Variants in CALCOCO2 observed in about 807,000 individuals in gnomAD.
CALCOCO2 encodes calcium binding and coiled-coil domain 2.
A neutral mutation model predicts 62.5 loss-of-function variants in CALCOCO2; 42 were observed. The observed-to-expected ratio is 0.67, with a 90% confidence interval of 0.53 to 0.87. The LOEUF (loss-of-function observed/expected upper bound fraction) is 0.87. Ranked by LOEUF, CALCOCO2 falls within the 40% of genes least tolerant of loss-of-function variation. The pLI is 0.00. For synonymous variants in CALCOCO2, 167 were observed against 173.0 expected (o/e 0.97, Z 0.27); for missense variants, 456 against 515.0 (o/e 0.89, Z 1.11).
intron 4 of CALCOCO2, 27 bp from the exon 5 acceptor site, chr17:48,849,225 T>A: frequency 6.2e-7 from 1 of 1,611,710 alleles, no homozygotes; most frequent in Non-Finnish European, 8.5e-7. Context: ...GGACTTGGAA[T>A]ATAGTTTATG....
At chr17:48,856,302 GA>G in intron 10 of CALCOCO2, 115 bp downstream of exon 10, 1 of 596,004 alleles carries the variant, frequency 1.7e-6, no homozygotes, top group East Asian at 2.8e-5. Flanking sequence ...GACAGTGGGT[GA>G]AACAGTTGTT....
chr17:48,860,809 A>G (rs1035877781), intron 11 of CALCOCO2, among the ~76,000 whole-genome samples: 34 of 152,216 alleles, frequency 2.2e-4, no homozygotes, highest in African/African-American at 8.2e-4. Context: ...TATGCCGCCC[A>G]GGAACTAGCA....
At chr17:48,851,023 T>G (rs762350934) in intron 5 of CALCOCO2, 66 bp from the exon 6 acceptor site, 8 of 846,028 alleles carry the variant, frequency 9.5e-6, no homozygotes, top group African/African-American at 1.7e-5. Flanking sequence ...ATTTGTTGCC[T>G]GCCTAAGATA....
chr17:48,861,264 C>G (rs562756269), intron 11 of CALCOCO2, among the ~76,000 whole-genome samples: 20 of 152,084 alleles, frequency 1.3e-4, no homozygotes, highest in African/African-American at 4.8e-4. Flanking sequence ...ACCTCCGTCT[C>G]CTGGGCTCAA....
intron 2 of CALCOCO2, chr17:48,846,128 T>C: frequency 9.7e-7 from 1 of 1,032,592 alleles, no homozygotes; most frequent in Non-Finnish European, 1.4e-6. Context: ...TTATTTTTTA[T>C]TTATTTTTTA....
intron 2 of CALCOCO2, chr17:48,845,969 A>G: frequency 1.5e-6 from 1 of 676,794 alleles, no homozygotes; most frequent in Non-Finnish European, 2.5e-6. Context: ...TAGAGAATGA[A>G]GAGTTGGCTG....
chr17:48,853,052 T>C lies in CALCOCO2; in HGVS notation c.912+40T>C, dbSNP rs1322957212. ...GGATGGTTATGTGGGAGGGAGCCTA[T>C]AGGGATGTAGAAGAAAAGGATATGG... On this transcript the variant is annotated intron_variant, in intron 9 of 12. Coordinates refer to ENST00000258947, the MANE Select transcript of CALCOCO2 (RefSeq NM_005831.5). The C allele has an allele frequency of 4.4e-6, 6 of 1,363,192 alleles. No homozygotes were observed. The African/African-American group carries it at 7.2e-5, about 16-fold the overall frequency. The allele number at this position is 1,363,192 out of a possible 1,614,324, so 84.4% of individuals were successfully genotyped here. A position where few individuals can be genotyped will look rare whatever the true frequency, so the allele number is the denominator to read the frequency against.
intron 1 of CALCOCO2, among the ~76,000 whole-genome samples, chr17:48,835,354 C>T (rs2039876266): frequency 6.6e-6 from 1 of 152,170 alleles, no homozygotes; most frequent in African/African-American, 2.4e-5. Flanking sequence ...GAAGCCACTG[C>T]TGTTCTCATC....
In CALCOCO2 at chr17:48,852,929, A is replaced by G. The variant is rs1170398079; in HGVS notation, c.829A>G (p.Lys277Glu). The change falls in exon 9 of 13, where the codon AAG (lysine) becomes GAG (glutamate). Residue 277 changes from lysine to glutamate, a missense_variant. This residue lies in a region of CALCOCO2 where 172 missense variants were observed against 210.3 expected (regional missense o/e 0.82). Transcript: ENST00000258947. ...HLFLSLTEQR[K>E]DQKKLEQTVE... Reference sequence around the variant, plus strand: ...ACTGAAATCTCTTTTTGTGCAGAGGAAGGACCAGAAGAAGCTCGAGCAGAC... The same window carrying G: ...ACTGAAATCTCTTTTTGTGCAGAGGGAGGACCAGAAGAAGCTCGAGCAGAC... 6.2e-7 allele frequency: 1 copy of G among 1,611,506 alleles called. No homozygotes were observed. The highest frequency in any genetic ancestry group is 8.5e-7 in the Non-Finnish European group (1 of 1,177,654).
At chr17:48,836,577 GAT>G (rs536646066) in intron 1 of CALCOCO2, among the ~76,000 whole-genome samples, 86 of 152,226 alleles carry the variant, frequency 5.6e-4, no homozygotes, top group Middle Eastern at 3.4e-3. Flanking sequence ...ATACAATGGT[GAT>G]AGTGTTGTGA....
At position 48,858,036 on chromosome 17, in the gene CALCOCO2, ATAG is replaced by A. The variant is rs1390405428; in HGVS notation, c.1008+1850_1008+1852del. On this transcript the variant is annotated intron_variant, in intron 10 of 12. Coordinates refer to ENST00000258947, the MANE Select transcript of CALCOCO2 (RefSeq NM_005831.5). ...ATAGAATAGAATAGAATAGAATAGA[ATAG>A]AATAGAAAATAGAATAGAATAGAAT... is the stretch of plus-strand genomic sequence containing the variant. Among the ~76,000 whole-genome samples, 113 of 15,618 alleles carry A rather than the reference ATAG, an allele frequency of 7.2e-3. 2 individuals are homozygous for A. Among genetic ancestry groups the A allele is most frequent in the African/African-American group, 0.013 (92 of 7,302 alleles). 10.2% of individuals were successfully genotyped at this position (15,618 alleles called of 152,430 possible).
chr17:48,856,430 T>C (rs2040215889), intron 10 of CALCOCO2: 1 of 488,816 alleles, frequency 2.0e-6, no homozygotes, highest in South Asian at 1.9e-5. Context: ...GCCACACTGA[T>C]GAAGACCTAA....
At chr17:48,858,777 G>A (rs991887861) in intron 10 of CALCOCO2, among the ~76,000 whole-genome samples, 6 of 151,960 alleles carry the variant, frequency 3.9e-5, no homozygotes, top group Admixed American at 1.3e-4. Context: ...ACTGTAGGCC[G>A]GGTGCTGTGG....
At chr17:48,832,282 T>C (rs1423874878) in intron 1 of CALCOCO2, among the ~76,000 whole-genome samples, 1 of 152,110 alleles carries the variant, frequency 6.6e-6, no homozygotes, top group Non-Finnish European at 1.5e-5. Flanking sequence ...TAATCCCAGC[T>C]ACTTGGGAGG....
chr17:48,862,854 G>T lies in CALCOCO2; in HGVS notation c.1190G>T (p.Cys397Phe). 2 of 1,614,046 alleles carry T rather than the reference G, an allele frequency of 1.2e-6. No individual in the cohort carries two copies. The highest frequency in any genetic ancestry group is 2.2e-5 in the South Asian group (2 of 91,080). The change falls in exon 13 of 13, where the codon TGC (cysteine) becomes TTC (phenylalanine). Residue 397 changes from cysteine to phenylalanine, a missense_variant. By Grantham distance (205) the Cys-to-Phe change is radical (BLOSUM62 -2). This residue lies in a region of CALCOCO2 where 172 missense variants were observed against 210.3 expected (regional missense o/e 0.82). Coordinates refer to ENST00000258947, the MANE Select transcript of CALCOCO2 (RefSeq NM_005831.5). Reference protein sequence around the residue: ...SSPSPLSIKKCPICKADDICD... With the variant: ...SSPSPLSIKKFPICKADDICD... The stretch of plus-strand genomic sequence containing the variant: ...TCCTCCCAGCTCTCCATCAAGAAAT[G>T]CCCTATCTGCAAAGCAGATGATATT...
In CALCOCO2 at chr17:48,841,722, C is replaced by T. The variant is rs1289085162; in HGVS notation, c.15C>T (p.Ile5=). The T allele has an allele frequency of 6.2e-7, 1 of 1,611,594 alleles. No homozygotes were observed. The highest frequency in any genetic ancestry group is 1.1e-5 in the South Asian group (1 of 90,794). MEET[I]KDPPTSAVLL... ...GGACCCCTACCATGGAGGAGACCAT[C>T]AAAGATCCCCCCACATCAGCTGTCT... Residue 5 remains isoleucine, a synonymous_variant, in exon 2 of 13, where the codon ATC becomes ATT. Coordinates refer to ENST00000258947, the MANE Select transcript of CALCOCO2 (RefSeq NM_005831.5).
chr17:48,851,214 GC>G, intron 6 of CALCOCO2, 37 bp downstream of exon 6: 1 of 1,183,460 alleles, frequency 8.4e-7, no homozygotes, highest in Non-Finnish European at 1.3e-6. Context: ...GGGAAGAGCT[GC>G]TGTACCATCA....
chr17:48,845,905 T>G (rs2040046618), intron 2 of CALCOCO2: 3 of 432,804 alleles, frequency 6.9e-6, no homozygotes, highest in Non-Finnish European at 8.1e-6. Context: ...CTCCCAAACC[T>G]CTGGTTTTTC....
chr17:48,834,938 T>G (rs551709305), intron 1 of CALCOCO2, among the ~76,000 whole-genome samples: 10 of 152,052 alleles, frequency 6.6e-5, no homozygotes, highest in Non-Finnish European at 1.3e-4. Flanking sequence ...TTCCAGCTAC[T>G]TGGGAGGTTG....
Sources: allele counts gnomAD v4.1 joint callset (sites outside exome capture counted in the v4.1 genomes callset), GRCh38; gene constraint gnomAD v4.1.1; regional missense constraint gnomAD v4.1.1; transcripts MANE v1.5; gene names NCBI Gene and HGNC (gene_info 2026-07-23, HGNC 2026-07-21).